PTPRD: variants seen among roughly 807,000 people sequenced by gnomAD.
PTPRD encodes protein tyrosine phosphatase receptor type D, also known as receptor-type tyrosine-protein phosphatase delta.
PTPRD carries 34 observed loss-of-function variants against 214.5 expected under a neutral mutation model. That is an observed-to-expected ratio of 0.16 (90% CI 0.12 to 0.21). The LOEUF (loss-of-function observed/expected upper bound fraction) is 0.21. PTPRD is among the 10% of genes least tolerant of loss of function. The pLI, the probability that PTPRD is intolerant of heterozygous loss-of-function variation, is 1.00. For missense variants in PTPRD, 2,545 were observed against 2,398.7 expected, an observed-to-expected ratio of 1.06 and a Z score of -1.27; for synonymous variants, 1,128 against 845.7, an observed-to-expected ratio of 1.33 and a Z score of -5.79.
chr9:10,472,745 A>T (rs1343622292), intron 2 of PTPRD, among the ~76,000 whole-genome samples: 1 of 152,138 alleles, frequency 6.6e-6, no homozygotes, highest in Non-Finnish European at 1.5e-5. Context: ...TACATGGAGA[A>T]TACTTATAAC....
chr9:9,449,410 A>G (rs1313114512), intron 8 of PTPRD, among the ~76,000 whole-genome samples: 1 of 134,928 alleles, frequency 7.4e-6, no homozygotes, highest in East Asian at 2.1e-4. Flanking sequence ...TCAAATTGCT[A>G]TATATATATT....
intron 2 of PTPRD, among the ~76,000 whole-genome samples, chr9:10,486,029 GTT>G (rs199991184): frequency 0.14 from 20,595 of 148,702 alleles, 1,866 homozygotes; most frequent in Non-Finnish European, 0.21. Context: ...ACTTTTTGAT[GTT>G]TTTTTTTTTC....
At chr9:9,540,986 A>G (rs1403517502) in intron 8 of PTPRD, among the ~76,000 whole-genome samples, 1 of 144,904 alleles carries the variant, frequency 6.9e-6, no homozygotes, top group East Asian at 2.0e-4. Context: ...AGCTGAAGAT[A>G]TTAAAAAAAC....
chr9:9,423,873 CA>C (rs1419174337), intron 8 of PTPRD, among the ~76,000 whole-genome samples: 1 of 152,038 alleles, frequency 6.6e-6, no homozygotes, highest in Non-Finnish European at 1.5e-5. Flanking sequence ...GAAAAAAATA[CA>C]AAACTTACGA....
chr9:8,917,241 G>A (rs1277339810), intron 11 of PTPRD, among the ~76,000 whole-genome samples: 1 of 149,320 alleles, frequency 6.7e-6, no homozygotes, highest in East Asian at 2.0e-4. Context: ...TGATTCTCCT[G>A]CCTCAGCCTC....
chr9:10,122,113 G>A (rs1337378353), intron 3 of PTPRD, among the ~76,000 whole-genome samples: 1 of 152,098 alleles, frequency 6.6e-6, no homozygotes, highest in Non-Finnish European at 1.5e-5. Flanking sequence ...TTCAATACCA[G>A]CCTGGCCAAC....
chr9:10,063,493 T>C (rs568760135), intron 3 of PTPRD, among the ~76,000 whole-genome samples: 36 of 152,172 alleles, frequency 2.4e-4, no homozygotes, highest in African/African-American at 8.4e-4. Flanking sequence ...GATATCTAAA[T>C]ACCTAGTTGG....
At chr9:9,179,154 C>G (rs758210039) in intron 10 of PTPRD, among the ~76,000 whole-genome samples, 1 of 152,058 alleles carries the variant, frequency 6.6e-6, no homozygotes, top group Non-Finnish European at 1.5e-5. Flanking sequence ...ATTGTTGAAA[C>G]TCAAAGATTT....
chr9:9,973,582 A>C (rs1421825173), intron 4 of PTPRD, among the ~76,000 whole-genome samples: 2 of 152,122 alleles, frequency 1.3e-5, no homozygotes, highest in Non-Finnish European at 2.9e-5. Flanking sequence ...TCTAAAACTA[A>C]CTTTCTTCGC....
intron 11 of PTPRD, among the ~76,000 whole-genome samples, chr9:8,801,266 G>C (rs910083649): frequency 2.0e-5 from 3 of 152,132 alleles, no homozygotes; most frequent in African/African-American, 7.2e-5. Flanking sequence ...TCTTGCTATA[G>C]TTAATAAACT....
chr9:10,126,109 T>C (rs1462890993), intron 3 of PTPRD, among the ~76,000 whole-genome samples: 1 of 152,128 alleles, frequency 6.6e-6, no homozygotes, highest in Admixed American at 6.6e-5. Flanking sequence ...GTATCCAAAC[T>C]TAGTGATTCA....
chr9:9,972,161 TTA>T (rs1241388515), intron 4 of PTPRD, among the ~76,000 whole-genome samples: 3 of 152,208 alleles, frequency 2.0e-5, no homozygotes, highest in African/African-American at 7.2e-5. Flanking sequence ...TGACTTTGAA[TTA>T]TGTTATAGCC....
At chr9:9,345,108 T>A (rs2137635213) in intron 9 of PTPRD, among the ~76,000 whole-genome samples, 1 of 152,270 alleles carries the variant, frequency 6.6e-6, no homozygotes, top group East Asian at 1.9e-4. Context: ...AGAAAGTCTC[T>A]TGAGATTTTC....
chr9:9,490,899 CG>C (rs1430094924), intron 8 of PTPRD, among the ~76,000 whole-genome samples: 1 of 108,228 alleles, frequency 9.2e-6, no homozygotes, highest in Non-Finnish European at 1.8e-5. Flanking sequence ...TATAAATGAA[CG>C]AATTGTTTGT....
At chr9:9,711,291 T>C (rs2154424372) in intron 7 of PTPRD, among the ~76,000 whole-genome samples, 1 of 152,268 alleles carries the variant, frequency 6.6e-6, no homozygotes, top group Non-Finnish European at 1.5e-5. Flanking sequence ...TCAATTAACC[T>C]TTGGTAAAAT....
intron 7 of PTPRD, among the ~76,000 whole-genome samples, chr9:9,680,053 A>G (rs2097031983): frequency 6.6e-6 from 1 of 151,948 alleles, no homozygotes; most frequent in Non-Finnish European, 1.5e-5. Flanking sequence ...AATTTTCTCA[A>G]GATAAATATG....
chr9:9,584,816 C>G (rs778472988), intron 7 of PTPRD, among the ~76,000 whole-genome samples: 1 of 151,954 alleles, frequency 6.6e-6, no homozygotes, highest in African/African-American at 2.4e-5. Context: ...GCTTATCTCT[C>G]TGGAGAACTT....
rs1001161287 is a variant in PTPRD, at chr9:8,974,149, T to C, written c.-104+44548A>G. Reference sequence around the variant, plus strand: ...GGTCGATGTTGAGAAGGGTATTTCCTAGGTTTTCCTTTAGGATTTTTATAG... The same window carrying C: ...GGTCGATGTTGAGAAGGGTATTTCCCAGGTTTTCCTTTAGGATTTTTATAG... On this transcript the variant is annotated intron_variant, in intron 11 of 45. Coordinates refer to ENST00000381196, the MANE Select transcript of PTPRD (RefSeq NM_002839.4). Among the ~76,000 whole-genome samples, 9 of 152,230 alleles carry C rather than the reference T, an allele frequency of 5.9e-5. No homozygotes were observed. In the East Asian group the frequency reaches 1.2e-3, roughly 20 times the overall value.
intron 2 of PTPRD, among the ~76,000 whole-genome samples, chr9:10,573,033 A>T (rs2067986214): frequency 6.6e-6 from 1 of 152,148 alleles, no homozygotes; most frequent in Non-Finnish European, 1.5e-5. Context: ...GTGATTGTTG[A>T]GTTGTCAACT....
Sources: gnomAD v4.1 joint callset for allele counts (sites outside exome capture counted in the v4.1 genomes callset) on GRCh38, gnomAD v4.1.1 for gene constraint, MANE v1.5 for transcripts, NCBI Gene and HGNC (gene_info 2026-07-23, HGNC 2026-07-21) for gene names.